Variants in IL3 observed in about 807,000 individuals in gnomAD.
IL3 encodes interleukin-3.
A neutral mutation model predicts 15.4 loss-of-function variants in IL3; 15 were observed. That is an observed-to-expected ratio of 0.97 (90% CI 0.65 to 1.50). The LOEUF (loss-of-function observed/expected upper bound fraction) is 1.50. Ranked by LOEUF, IL3 falls within the 40% of genes most tolerant of loss-of-function variation. IL3 has a pLI of 0.00. For missense variants in IL3, 162 were observed against 192.2 expected (o/e 0.84, Z 0.93); for synonymous variants, 74 against 79.3 (o/e 0.93, Z 0.36).
rs1023014726 is a variant in IL3, at chr5:132,062,978, C to G, written c.*187C>G. Reference sequence around the variant, plus strand: ...TCTGAAATGTGCAGCTCCCATTTGGCCTTGTGCGGTTGTGTTCTCATTTTT... The same window carrying G: ...TCTGAAATGTGCAGCTCCCATTTGGGCTTGTGCGGTTGTGTTCTCATTTTT... On this transcript the variant is annotated 3_prime_UTR_variant, in exon 5 of 5. Transcript: ENST00000296870. 2.7e-6 allele frequency: 2 copies of G among 742,514 alleles called. No individual in the cohort carries two copies. The highest frequency in any genetic ancestry group is 3.5e-5 in the African/African-American group (2 of 56,564). The allele number at this position is 742,514 out of a possible 1,614,324, so 46.0% of individuals were successfully genotyped here.
At chr5:132,062,432 C>T in intron 3 of IL3, 31 bp downstream of exon 3, 7 of 1,612,116 alleles carry the variant, frequency 4.3e-6, no homozygotes, top group Non-Finnish European at 5.9e-6. Context: ...TTTGGGATCC[C>T]TGTGTTGGCC....
In IL3 at chr5:132,062,168, C is replaced by T; in HGVS notation, c.205-144C>T. 9 of 726,188 alleles carry T rather than the reference C, an allele frequency of 1.2e-5. No homozygotes were observed. In the South Asian group the frequency reaches 1.5e-4, roughly 12 times the overall value. The allele number at this position is 726,188 out of a possible 1,614,324, so 45.0% of individuals were successfully genotyped here. The stretch of plus-strand genomic sequence containing the variant: ...AGGCCTGTGCCCTTGGGCAGGGACC[C>T]ACCTGAGGCAAGAACGGGACTAGGA... On this transcript the variant is annotated intron_variant, in intron 2 of 4. Coordinates refer to ENST00000296870, the MANE Select transcript of IL3 (RefSeq NM_000588.4).
Position 132,060,763 on chromosome 5 carries a change from A to G in IL3, c.57A>G (p.Gln19=), listed in dbSNP as rs750514288. Residue 19 remains glutamine (Q), a synonymous_variant, in exon 1 of 5, where the codon CAA becomes CAG. Coordinates refer to ENST00000296870, the MANE Select transcript of IL3 (RefSeq NM_000588.4). ...AACTCCTGGTCCGCCCCGGACTCCA[A>G]GCTCCCATGACCCAGACAACGCCCT... is the stretch of plus-strand genomic sequence containing the variant. The part of the protein sequence containing the change: ...LLQLLVRPGL[Q]APMTQTTPLK... The G allele has an allele frequency of 3.1e-6, 5 of 1,613,972 alleles. No individual in the cohort carries two copies. The highest frequency in any genetic ancestry group is 2.7e-5 in the African/African-American group (2 of 74,900).
chr5:132,062,419 G>C lies in IL3; in HGVS notation c.294+18G>C. ...TTCTTAAAGTATGTGAAGCTGTTGA[G>C]GGTTTGGGATCCCTGTGTTGGCCCT... is the stretch of plus-strand genomic sequence containing the variant. On this transcript the variant is annotated intron_variant, in intron 3 of 4. Coordinates refer to ENST00000296870, the MANE Select transcript of IL3 (RefSeq NM_000588.4). The C allele has an allele frequency of 1.9e-6, 3 of 1,613,324 alleles. No individual in the cohort carries two copies. The highest frequency in any genetic ancestry group is 2.2e-5 in the East Asian group (1 of 44,884).
rs757728880 is a variant in IL3 at position 132,060,683 on chromosome 5, A to G, written c.-24A>G. ...GCCCCACGAAGGACCAGAACAAGAC[A>G]GAGTGCCTCCTGCCGATCCAAACAT... On this transcript the variant is annotated 5_prime_UTR_variant, in exon 1 of 5. Transcript: ENST00000296870. 6 of 1,612,072 alleles carry G rather than the reference A, an allele frequency of 3.7e-6. No individual in the cohort carries two copies. Among genetic ancestry groups the G allele is most frequent in the Non-Finnish European group, 5.1e-6 (6 of 1,179,934 alleles).
In IL3 at chr5:132,060,674, G is replaced by C. The variant is rs1245670561; in HGVS notation, c.-33G>C. The C allele has an allele frequency of 6.2e-7, 1 of 1,611,394 alleles. No individual in the cohort carries two copies. The highest frequency in any genetic ancestry group is 8.5e-7 in the Non-Finnish European group (1 of 1,179,844). ...CTCTTCAGAGCCCCACGAAGGACCAGAACAAGACAGAGTGCCTCCTGCCGA... is the reference window on the plus strand; with the variant it reads ...CTCTTCAGAGCCCCACGAAGGACCACAACAAGACAGAGTGCCTCCTGCCGA... On this transcript the variant is annotated 5_prime_UTR_variant, in exon 1 of 5. Transcript: ENST00000296870.
Position 132,063,024 on chromosome 5 carries a change from T to G in IL3, c.*233T>G, listed in dbSNP as rs78429101. The G allele has an allele frequency of 2.8e-3, 1,420 of 513,372 alleles. 9 individuals carry two copies. The highest frequency in any genetic ancestry group is 0.018 in the Middle Eastern group (34 of 1,884). The allele number at this position is 513,372 out of a possible 1,614,324, so 31.8% of individuals were successfully genotyped here. On this transcript the variant is annotated 3_prime_UTR_variant, in exon 5 of 5. Coordinates refer to ENST00000296870, the MANE Select transcript of IL3 (RefSeq NM_000588.4). ...TTTTTATCCCATTGAGACTATTTATTTATGTATGTATGTATTTATTTATTT... is the reference window on the plus strand; with the variant it reads ...TTTTTATCCCATTGAGACTATTTATGTATGTATGTATGTATTTATTTATTT...
Position 132,060,978 on chromosome 5 carries a change from C to A in IL3, c.174C>A (p.Asn58Lys), listed in dbSNP as rs748981217. 27 of 1,614,224 alleles carry A rather than the reference C, an allele frequency of 1.7e-5. No individual in the cohort carries two copies. Among genetic ancestry groups the A allele is most frequent in the Non-Finnish European group, 1.9e-5 (22 of 1,180,024 alleles). ...QPPLPLLDFNNLNGEDQDILM... is the reference protein window; with the variant it reads ...QPPLPLLDFNKLNGEDQDILM... ...CTTCACCCCCACAGGACTTCAACAA[C>A]CTCAATGGGGAAGACCAAGACATTC... The change falls in exon 2 of 5, where the codon AAC becomes AAA. Residue 58 changes from asparagine (N) to lysine (K), a missense_variant. Asn to Lys is a moderately conservative substitution (Grantham distance 94). Coordinates refer to ENST00000296870, the MANE Select transcript of IL3 (RefSeq NM_000588.4).
intron 3 of IL3, 59 bp from the exon 4 acceptor site, chr5:132,062,467 C>A (rs550576332): frequency 1.2e-6 from 2 of 1,613,158 alleles, no homozygotes; most frequent in East Asian, 4.5e-5. Context: ...GGGAGGAGAG[C>A]AGGGCCCACT....
rs1756494183 is a variant in IL3 at position 132,062,302 on chromosome 5, GC to G, written c.205-6del. On this transcript the variant is annotated splice_polypyrimidine_tract_variant and intron_variant, in intron 2 of 4. Transcript: ENST00000296870. ...CCTTTCCCCCTTAAGTGTATTCTCT[GC>G]CCCGTTAGGAAAATAACCTTCGAAG... 6.2e-7 allele frequency: 1 copy of G among 1,606,428 alleles called. No homozygotes were observed. The highest frequency in any genetic ancestry group is 8.5e-7 in the Non-Finnish European group (1 of 1,173,076).
At position 132,062,574 on chromosome 5, in the gene IL3, T is replaced by C. The variant is rs749658255; in HGVS notation, c.336+7T>C. On this transcript the variant is annotated splice_region_variant and intron_variant, in intron 4 of 4. Transcript: ENST00000296870. ...GGCCACGGCCGCACCCACGGTAAGCTGTCCCCCAAGATGCCCGTCATGGCT... is the reference window on the plus strand; with the variant it reads ...GGCCACGGCCGCACCCACGGTAAGCCGTCCCCCAAGATGCCCGTCATGGCT... 1.2e-5 allele frequency: 20 copies of C among 1,614,050 alleles called. No homozygotes were observed. Among genetic ancestry groups the C allele is most frequent in the African/African-American group, 1.3e-5 (1 of 74,936 alleles).
At position 132,060,721 on chromosome 5, in the gene IL3, C is replaced by G. The variant is rs373333851; in HGVS notation, c.15C>G (p.Pro5=). The G allele has an allele frequency of 2.5e-6, 4 of 1,613,304 alleles. No individual in the cohort carries two copies. The highest frequency in any genetic ancestry group is 4.5e-5 in the East Asian group (2 of 44,886). Residue 5 remains proline, a synonymous_variant, in exon 1 of 5, where the codon CCC becomes CCG. Coordinates refer to ENST00000296870, the MANE Select transcript of IL3 (RefSeq NM_000588.4). MSRL[P]VLLLLQLLVR... ...CCGATCCAAACATGAGCCGCCTGCC[C>G]GTCCTGCTCCTGCTCCAACTCCTGG...
intron 1 of IL3, 24 bp downstream of exon 1, chr5:132,060,892 C>T (rs1318828696): frequency 1.9e-6 from 3 of 1,611,310 alleles, no homozygotes; most frequent in African/African-American, 2.7e-5. Flanking sequence ...ATAAGACTGG[C>T]CTGCAGCAGT....
Position 132,062,579 on chromosome 5 carries a change from C to A in IL3, c.336+12C>A, listed in dbSNP as rs779368802. The stretch of plus-strand genomic sequence containing the variant: ...CGGCCGCACCCACGGTAAGCTGTCC[C>A]CCAAGATGCCCGTCATGGCTTGCTC... On this transcript the variant is annotated intron_variant, in intron 4 of 4. Coordinates refer to ENST00000296870, the MANE Select transcript of IL3 (RefSeq NM_000588.4). 6.2e-7 allele frequency: 1 copy of A among 1,614,094 alleles called. No individual in the cohort carries two copies. Among genetic ancestry groups the A allele is most frequent in the Non-Finnish European group, 8.5e-7 (1 of 1,179,928 alleles).
Position 132,062,559 on chromosome 5 carries a change from G to A in IL3, c.328G>A (p.Ala110Thr), listed in dbSNP as rs535235214. ...GCCATGTCTGCCCCTGGCCACGGCCGCACCCACGGTAAGCTGTCCCCCAAG... is the reference window on the plus strand; with the variant it reads ...GCCATGTCTGCCCCTGGCCACGGCCACACCCACGGTAAGCTGTCCCCCAAG... ...LLPCLPLATA[A>T]PTRHPIHIKD... is the part of the protein sequence containing the mutation. Residue 110 changes from alanine to threonine, a missense_variant, in exon 4 of 5, where the codon GCA becomes ACA. Coordinates refer to ENST00000296870, the MANE Select transcript of IL3 (RefSeq NM_000588.4). 10 of 1,614,028 alleles carry A rather than the reference G, an allele frequency of 6.2e-6. No individual in the cohort carries two copies. Among genetic ancestry groups the A allele is most frequent in the East Asian group, 2.2e-5 (1 of 44,874 alleles).
In IL3 at chr5:132,060,994, C is replaced by T. The variant is rs1756466881; in HGVS notation, c.190C>T (p.Gln64Ter). ...CTTCAACAACCTCAATGGGGAAGAC[C>T]AAGACATTCTGATGGTAAGAGCTCA... is the stretch of plus-strand genomic sequence containing the variant. ...LDFNNLNGED[Q>*]DILMENNLRR... Residue 64 changes from glutamine (Q) to a stop codon, truncating the protein, a stop_gained, in exon 2 of 5, where the codon CAA becomes TAA. Transcript: ENST00000296870. LOFTEE classifies it high-confidence loss of function. The T allele has an allele frequency of 2.5e-6, 4 of 1,614,028 alleles. No homozygotes were observed. Among genetic ancestry groups the T allele is most frequent in the African/African-American group, 2.7e-5 (2 of 74,920 alleles).
Position 132,062,378 on chromosome 5 carries a change from T to C in IL3, c.271T>C (p.Ser91Pro), listed in dbSNP as rs759943736. The C allele has an allele frequency of 4.3e-6, 7 of 1,614,044 alleles. No homozygotes were observed. The highest frequency in any genetic ancestry group is 2.5e-6 in the Non-Finnish European group (3 of 1,179,970). Residue 91 changes from serine to proline, a missense_variant, in exon 3 of 5, where the codon TCA becomes CCA. Coordinates refer to ENST00000296870, the MANE Select transcript of IL3 (RefSeq NM_000588.4). ...GGCTGTCAAGAGTTTACAGAACGCA[T>C]CAGCAATTGAGAGCATTCTTAAAGT... ...NRAVKSLQNA[S>P]AIESILKNLL...
At chr5:132,061,792 A>G (rs903872873) in intron 2 of IL3, among the ~76,000 whole-genome samples, 1 of 139,080 alleles carries the variant, frequency 7.2e-6, no homozygotes, top group Non-Finnish European at 1.5e-5. Context: ...TTTTGAGACA[A>G]GAGTCTCACT....
intron 2 of IL3, among the ~76,000 whole-genome samples, chr5:132,061,832 G>A (rs1173845859): frequency 2.0e-5 from 3 of 146,746 alleles, no homozygotes; most frequent in African/African-American, 5.1e-5. Context: ...GCAGTGGCAC[G>A]ATCTCAGCTC....
Sources: gnomAD v4.1 joint callset for allele counts (sites outside exome capture counted in the v4.1 genomes callset) on GRCh38, gnomAD v4.1.1 for gene constraint, MANE v1.5 for transcripts, NCBI Gene and HGNC (gene_info 2026-07-23, HGNC 2026-07-21) for gene names.